The following DGKH variants were observed in gnomAD, a reference collection of about 807,000 sequenced individuals.
DGKH encodes diacylglycerol kinase eta.
A neutral mutation model predicts 159.3 loss-of-function variants in DGKH; 90 were observed. That is an observed-to-expected ratio of 0.57 (90% CI 0.48 to 0.67). The LOEUF (loss-of-function observed/expected upper bound fraction) is 0.67, where lower values mean the gene tolerates loss of function less well. Ranked by LOEUF, DGKH falls within the 30% of genes least tolerant of loss-of-function variation. The probability of loss-of-function intolerance (pLI) is 0.00; values close to 1 mark genes in which losing one functional copy is unlikely to be tolerated. For missense variants in DGKH, 1,181 were observed against 1,506.1 expected (o/e 0.78, Z 3.57); for synonymous variants, 536 against 553.8 (o/e 0.97, Z 0.45).
Position 42,209,337 on chromosome 13 carries a change from A to G in DGKH, c.2722A>G (p.Thr908Ala), listed in dbSNP as rs181226012. The change falls in exon 23 of 30, where the codon ACA becomes GCA. Residue 908 changes from threonine (T) to alanine (A), a missense_variant. By Grantham distance (58) the Thr-to-Ala change is moderately conservative. Around this residue, in one of 5 missense-constraint regions of DGKH, gnomAD observed 335 missense variants for 495.2 expected, o/e 0.68. Transcript: ENST00000337343. ...LQHHRIAQCR[T>A]VKITIFGDEG... ...ATGATTTGTTTTATTTCAGTGCCGT[A>G]CAGTGAAAATCACTATATTTGGTGA... 1.2e-6 allele frequency: 2 copies of G among 1,611,126 alleles called. No homozygotes were observed. The highest frequency in any genetic ancestry group is 1.7e-6 in the Non-Finnish European group (2 of 1,179,182).
At position 42,237,120 on chromosome 13, in the gene DGKH, T is replaced by C. The variant is rs910485096; in HGVS notation, c.*7932T>C. Reference sequence around the variant, plus strand: ...TTAACTGTTTAAAAAACTAAAAATTTAAAACATAATGGCACAACATACGAC... The same window carrying C: ...TTAACTGTTTAAAAAACTAAAAATTCAAAACATAATGGCACAACATACGAC... On this transcript the variant is annotated 3_prime_UTR_variant, in exon 30 of 30. Coordinates refer to ENST00000337343, the MANE Select transcript of DGKH (RefSeq NM_178009.5). The C allele has an allele frequency of 2.6e-5, 4 of 152,212 alleles. No individual in the cohort carries two copies. The highest frequency in any genetic ancestry group is 9.6e-5 in the African/African-American group (4 of 41,454). 9.4% of individuals were successfully genotyped at this position (152,212 alleles called of 1,614,324 possible).
intron 1 of DGKH, among the ~76,000 whole-genome samples, chr13:42,091,032 C>A (rs573616907): frequency 2.0e-5 from 3 of 152,252 alleles, no homozygotes; most frequent in Non-Finnish European, 4.4e-5. Flanking sequence ...TCCCAGCGTT[C>A]AGAACTGTGA....
chr13:42,194,583 T>C (rs1284224859), intron 16 of DGKH, among the ~76,000 whole-genome samples: 8 of 152,236 alleles, frequency 5.3e-5, no homozygotes, highest in Admixed American at 5.2e-4. Context: ...TTTTCAAAAA[T>C]GGACTTCAAA....
At chr13:42,040,261 G>C (rs1880393305) in intron 1 of DGKH, 1 of 152,212 alleles carries the variant, frequency 6.6e-6, no homozygotes, top group Admixed American at 6.5e-5. Context: ...AGACAGGGGC[G>C]CTGGGAGGCG....
rs12867273 is a variant in DGKH at position 42,192,612 on chromosome 13, T to C, written c.2035+2087T>C. Among the ~76,000 whole-genome samples the C allele has an allele frequency of 1.6e-4, 24 of 149,264 alleles. No individual in the cohort carries two copies. In the East Asian group the frequency reaches 1.8e-3, roughly 11 times the overall value. On this transcript the variant is annotated intron_variant, in intron 16 of 29. Coordinates refer to ENST00000337343, the MANE Select transcript of DGKH (RefSeq NM_178009.5). ...TTTCCTCTTCCTCTTCTTCTTCTTC[T>C]TCTTTTCTTTCTTCTTTCTTCTTCT...
At chr13:42,187,688 A>T (rs907560053) in intron 14 of DGKH, among the ~76,000 whole-genome samples, 1 of 152,078 alleles carries the variant, frequency 6.6e-6, no homozygotes, top group Non-Finnish European at 1.5e-5. Context: ...GATTGACTGA[A>T]GGGGAGATGC....
At chr13:42,228,082 C>T (rs1958179687) in intron 29 of DGKH, among the ~76,000 whole-genome samples, 8 of 152,032 alleles carry the variant, frequency 5.3e-5, no homozygotes, top group Admixed American at 5.2e-4. Flanking sequence ...ATTTGGAGGC[C>T]TTAACTGTTT....
chr13:42,119,641 C>A (rs1955029340), intron 1 of DGKH, among the ~76,000 whole-genome samples: 1 of 152,150 alleles, frequency 6.6e-6, no homozygotes, highest in Non-Finnish European at 1.5e-5. Context: ...GTGTTGTAAT[C>A]TCTTCTTTTT....
chr13:42,191,930 T>C (rs1288760889), intron 16 of DGKH, among the ~76,000 whole-genome samples: 1 of 152,208 alleles, frequency 6.6e-6, no homozygotes, highest in Non-Finnish European at 1.5e-5. Flanking sequence ...ACATATAAAC[T>C]TGGGCAAATT....
At chr13:42,198,807 T>C (rs1405623111) in intron 18 of DGKH, among the ~76,000 whole-genome samples, 2 of 152,182 alleles carry the variant, frequency 1.3e-5, no homozygotes, top group Non-Finnish European at 2.9e-5. Context: ...TAGGTCCTTT[T>C]CCAGCCCGTT....
Position 42,199,799 on chromosome 13 carries a change from A to G in DGKH, c.2397-14A>G. On this transcript the variant is annotated splice_polypyrimidine_tract_variant and intron_variant, in intron 19 of 29. Coordinates refer to ENST00000337343, the MANE Select transcript of DGKH (RefSeq NM_178009.5). ...TAAAATTTCCTGAAATTGCCTGCCA[A>G]TATTTATTTTCAGGAGCCGAACTAA... 1.9e-6 allele frequency: 3 copies of G among 1,593,972 alleles called. No individual in the cohort carries two copies. The highest frequency in any genetic ancestry group is 2.3e-5 in the South Asian group (2 of 85,658).
intron 17 of DGKH, among the ~76,000 whole-genome samples, chr13:42,196,435 T>C (rs994088181): frequency 3.3e-5 from 5 of 152,202 alleles, no homozygotes; most frequent in African/African-American, 1.2e-4. Context: ...AAAAGTGATA[T>C]ATTCATACAA....
intron 3 of DGKH, among the ~76,000 whole-genome samples, chr13:42,148,473 T>C (rs1311556994): frequency 6.6e-6 from 1 of 152,104 alleles, no homozygotes; most frequent in Non-Finnish European, 1.5e-5. Context: ...CATGGAGTGC[T>C]CCTATGCACA....
chr13:42,087,709 A>T (rs974576061), intron 1 of DGKH, among the ~76,000 whole-genome samples: 1 of 151,804 alleles, frequency 6.6e-6, no homozygotes, highest in East Asian at 1.9e-4. Flanking sequence ...TTAAAAATAC[A>T]CAATATAAAA....
chr13:42,219,264 A>G lies in DGKH; in HGVS notation c.3248A>G (p.Asn1083Ser), dbSNP rs147726218. 8 of 1,613,854 alleles carry G rather than the reference A, an allele frequency of 5.0e-6. No homozygotes were observed. In the African/African-American group the frequency reaches 6.7e-5, roughly 13 times the overall value. Reference protein sequence around the residue: ...LESPHEERVSNALHSVEVELQ... With the variant: ...LESPHEERVSSALHSVEVELQ... ...TCGCCACATGAAGAGCGAGTATCCA[A>G]TGCCTTACACTCTGTGGAGGTGGAA... is the stretch of plus-strand genomic sequence containing the variant. Residue 1083 changes from asparagine to serine, a missense_variant, in exon 27 of 30, where the codon AAT becomes AGT. This residue lies in a region of DGKH where 335 missense variants were observed against 495.2 expected (regional missense o/e 0.68). Transcript: ENST00000337343.
intron 1 of DGKH, among the ~76,000 whole-genome samples, chr13:42,101,799 G>A (rs1034091786): frequency 3.3e-5 from 5 of 151,976 alleles, no homozygotes; most frequent in Non-Finnish European, 7.4e-5. Flanking sequence ...GAGAGAAAGA[G>A]AGAGAAATAA....
chr13:42,162,831 T>A (rs1332614941), intron 7 of DGKH, among the ~76,000 whole-genome samples: 1 of 93,056 alleles, frequency 1.1e-5, no homozygotes, highest in Non-Finnish European at 2.5e-5. Flanking sequence ...CATGAGTTTC[T>A]TTTTTTTTTT....
At chr13:42,069,833 C>A in intron 1 of DGKH, 1 of 913,782 alleles carries the variant, frequency 1.1e-6, no homozygotes, top group Non-Finnish European at 1.7e-6. Flanking sequence ...CAAGGCTCAG[C>A]AGAGTAATTG....
intron 29 of DGKH, 96 bp from the exon 30 acceptor site, chr13:42,229,003 A>C: frequency 9.5e-7 from 1 of 1,055,522 alleles, no homozygotes; most frequent in Non-Finnish European, 1.4e-6. Context: ...TATTTTCAAT[A>C]AACTTTTTTC....
Sources: gnomAD v4.1 joint callset for allele counts (sites outside exome capture counted in the v4.1 genomes callset) on GRCh38, gnomAD v4.1.1 for gene constraint, gnomAD v4.1.1 regional missense constraint, MANE v1.5 for transcripts, NCBI Gene and HGNC (gene_info 2026-07-23, HGNC 2026-07-21) for gene names.